CYP27C1: variants seen among roughly 807,000 people sequenced by gnomAD.
The protein encoded by CYP27C1 is cytochrome P450 family 27 subfamily C member 1.
A neutral mutation model predicts 40.6 loss-of-function variants in CYP27C1; 29 were observed. The observed-to-expected ratio is 0.71, with a 90% CI of 0.53 to 0.97. The LOEUF (loss-of-function observed/expected upper bound fraction) is 0.97. Among genes scored for constraint, CYP27C1 ranks in the 50% least tolerant of loss-of-function variants. CYP27C1 has a pLI of 0.00. For synonymous variants in CYP27C1, 198 were observed against 186.8 expected (o/e 1.06, Z -0.49); for missense variants, 390 against 485.8 (o/e 0.80, Z 1.85).
At chr2:127,207,515 C>A (rs114163991) in intron 1 of CYP27C1, among the ~76,000 whole-genome samples, 4,999 of 151,926 alleles carry the variant, frequency 0.033, 108 homozygotes, top group Non-Finnish European at 0.046. Context: ...CATATATATA[C>A]AAAAATTAGC....
rs1273751403 is a variant in CYP27C1 at position 127,186,211 on chromosome 2, C to A, written c.*1060G>T. ...CTGTATTTAGATTTGGTTAGAAAAT[C>A]TGATTATTCTTGATTTCACCAGGAG... On this transcript the variant is annotated 3_prime_UTR_variant, in exon 9 of 9. Transcript: ENST00000664447. The surrounding 1 kb of genome is among the most constrained non-coding windows in gnomAD (Gnocchi z 4.5). 1.3e-5 allele frequency: 2 copies of A among 151,682 alleles called. No individual in the cohort carries two copies. Among genetic ancestry groups the A allele is most frequent in the African/African-American group, 4.8e-5 (2 of 41,380 alleles). 9.4% of individuals were successfully genotyped at this position (151,682 alleles called of 1,614,324 possible). A position where few individuals can be genotyped will look rare whatever the true frequency, so the allele number is the denominator to read the frequency against.
chr2:127,206,129 A>G (rs1405191526), intron 1 of CYP27C1, among the ~76,000 whole-genome samples, 39 bp from the exon 2 acceptor site: 1 of 152,270 alleles, frequency 6.6e-6, no homozygotes, highest in African/African-American at 2.4e-5. Context: ...GAAAAAATAC[A>G]TAGATATGAT....
Position 127,184,185 on chromosome 2 carries a change from C to G in CYP27C1, c.*3086G>C, listed in dbSNP as rs1338114247. 1 of 152,162 alleles carries G rather than the reference C, an allele frequency of 6.6e-6. No individual in the cohort carries two copies. Among genetic ancestry groups the G allele is most frequent in the Admixed American group, 6.5e-5 (1 of 15,278 alleles). The allele number at this position is 152,162 out of a possible 1,614,324, so 9.4% of individuals were successfully genotyped here. ...ATTCCCAAATATCATCAAATACACA[C>G]AGTCAGCATTCAAATTTCCCCGAGT... On this transcript the variant is annotated 3_prime_UTR_variant, in exon 9 of 9. Coordinates refer to ENST00000664447, the MANE Select transcript of CYP27C1 (RefSeq NM_001367502.1).
Position 127,208,092 on chromosome 2 carries a change from C to A in CYP27C1, c.283-2002G>T, listed in dbSNP as rs1372607670. Among the ~76,000 whole-genome samples the A allele has an allele frequency of 6.6e-6, 1 of 152,106 alleles. No individual in the cohort carries two copies. The highest frequency in any genetic ancestry group is 1.5e-5 in the Non-Finnish European group (1 of 68,018). The stretch of plus-strand genomic sequence containing the variant: ...TTCAAGACTTAGTATGGGAGAGGGG[C>A]CAAGATGGCCAACTAGAAGCAGTGG... On this transcript the variant is annotated intron_variant, in intron 1 of 8. Transcript: ENST00000664447. This position sits in a 1 kb window ranked among gnomAD's most constrained non-coding sequence, Gnocchi z 5.2.
Position 127,209,523 on chromosome 2 carries a change from T to C in CYP27C1, c.283-3433A>G, listed in dbSNP as rs370407755. Among the ~76,000 whole-genome samples, 19 of 152,220 alleles carry C rather than the reference T, an allele frequency of 1.2e-4. No individual in the cohort carries two copies. The highest frequency in any genetic ancestry group is 1.2e-3 in the South Asian group (6 of 4,816). On this transcript the variant is annotated intron_variant, in intron 1 of 8. Transcript: ENST00000664447. The surrounding 1 kb of genome is among the most constrained non-coding windows in gnomAD (Gnocchi z 4.1). The stretch of plus-strand genomic sequence containing the variant: ...CTGGATGGAGGATCAGATGGACGAA[T>C]TGACAGAAGTACACTTCAGAAGATG...
chr2:127,211,736 G>C (rs1051687395), intron 1 of CYP27C1, among the ~76,000 whole-genome samples: 1 of 152,082 alleles, frequency 6.6e-6, no homozygotes, highest in Non-Finnish European at 1.5e-5. Flanking sequence ...AAATCAAAAA[G>C]CTAGAAAGAC....
In CYP27C1 at chr2:127,201,295, C is replaced by G. The variant is rs1487840617; in HGVS notation, c.710G>C (p.Cys237Ser). 8 of 1,614,068 alleles carry G rather than the reference C, an allele frequency of 5.0e-6. No individual in the cohort carries two copies. Among genetic ancestry groups the G allele is most frequent in the Non-Finnish European group, 6.8e-6 (8 of 1,179,992 alleles). The change falls in exon 4 of 9, where the codon TGC becomes TCC. Residue 237 changes from cysteine (C) to serine (S), a missense_variant. Cys to Ser is a moderately radical substitution (Grantham distance 112, BLOSUM62 -1). Transcript: ENST00000664447. The surrounding 1 kb of genome is among the most constrained non-coding windows in gnomAD (Gnocchi z 6.0). ...ATILYESRLG[C>S]LENSIPQLTV... is the part of the protein sequence containing the mutation. ...CAGCTGTGGGATGCTGTTTTCCAGG[C>G]AGCCCAAACGACTCTCATAAAGGAT...
chr2:127,217,935 A>G (rs184058967), intron 1 of CYP27C1, among the ~76,000 whole-genome samples: 13 of 152,332 alleles, frequency 8.5e-5, no homozygotes, highest in African/African-American at 3.1e-4. Context: ...AGTCCCCACA[A>G]GTACCATATT....
chr2:127,197,855 G>T (rs1682938958), intron 5 of CYP27C1, among the ~76,000 whole-genome samples: 2 of 151,320 alleles, frequency 1.3e-5, no homozygotes, highest in South Asian at 2.1e-4. Flanking sequence ...AAGGAACTTG[G>T]CTCCTTATTC....
rs182589230 is a variant in CYP27C1, at chr2:127,190,846, C to T, written c.1497+2248G>A. On this transcript the variant is annotated intron_variant, in intron 8 of 8. Coordinates refer to ENST00000664447, the MANE Select transcript of CYP27C1 (RefSeq NM_001367502.1). The stretch of plus-strand genomic sequence containing the variant: ...CCTGTAATCCCAGCTACTCCAGAGG[C>T]TGAGGCAGGAGAATCGCTTGAACCC... 3.0e-3 allele frequency among the ~76,000 whole-genome samples: 457 copies of T among 151,228 alleles called. 2 individuals are homozygous for T. The highest frequency in any genetic ancestry group is 0.01 in the African/African-American group (425 of 41,180).
chr2:127,193,171 T>C lies in CYP27C1; in HGVS notation c.1420A>G (p.Ile474Val). Residue 474 changes from isoleucine (I) to valine (V), a missense_variant, in exon 8 of 9, where the codon ATC becomes GTC. By Grantham distance (29) the Ile-to-Val change is conservative. Coordinates refer to ENST00000664447, the MANE Select transcript of CYP27C1 (RefSeq NM_001367502.1). ...DLDRVDNFGS[I>V]PFGHGVRSCI... ...CTGCGAACCCCATGACCAAAGGGGA[T>C]GGATCCAAAATTGTCAACTCTATCT... 8 of 1,614,162 alleles carry C rather than the reference T, an allele frequency of 5.0e-6. No homozygotes were observed. The highest frequency in any genetic ancestry group is 6.8e-6 in the Non-Finnish European group (8 of 1,180,020).
Position 127,201,163 on chromosome 2 carries a change from C to G in CYP27C1, c.842G>C (p.Trp281Ser). 1 of 1,614,028 alleles carries G rather than the reference C, an allele frequency of 6.2e-7. No individual in the cohort carries two copies. Among genetic ancestry groups the G allele is most frequent in the Middle Eastern group, 1.7e-4 (1 of 5,968 alleles). The change falls in exon 4 of 9, where the codon TGG (tryptophan) becomes TCG (serine). Residue 281 changes from tryptophan (W) to serine (S), a missense_variant. Transcript: ENST00000664447. This position sits in a 1 kb window ranked among gnomAD's most constrained non-coding sequence, Gnocchi z 6.0. ...ATCCCAGGACCTGCAGAATTCCCGC[C>G]AGGGCTTTGGGATGAAGGGGCGAAG... ...RWLRPFIPKP[W>S]REFCRSWDGL...
intron 5 of CYP27C1, among the ~76,000 whole-genome samples, chr2:127,197,140 G>A (rs573214649): frequency 3.3e-5 from 5 of 152,320 alleles, no homozygotes; most frequent in South Asian, 2.1e-4. Flanking sequence ...CAAGCTCAGC[G>A]ACGAAGCCAT....
chr2:127,199,137 A>G (rs1682972149), intron 5 of CYP27C1, among the ~76,000 whole-genome samples: 1 of 152,214 alleles, frequency 6.6e-6, no homozygotes, highest in African/African-American at 2.4e-5. Context: ...AGTACAAAAC[A>G]TTAGCTGGAA....
intron 8 of CYP27C1, among the ~76,000 whole-genome samples, chr2:127,190,941 GAAA>G (rs36094047): frequency 1.2e-5 from 1 of 85,580 alleles, no homozygotes; most frequent in Non-Finnish European, 2.3e-5. Context: ...GTGAGACTCT[GAAA>G]AAAAAAAAAA....
At chr2:127,190,179 T>TA (rs1292596401) in intron 8 of CYP27C1, among the ~76,000 whole-genome samples, 1 of 152,140 alleles carries the variant, frequency 6.6e-6, no homozygotes, top group African/African-American at 2.4e-5. Context: ...TTGGATCACT[T>TA]ATATTTTTTC....
At position 127,204,440 on chromosome 2, in the gene CYP27C1, AAAAGAAAGAAAG is replaced by A. The variant is rs59482629; in HGVS notation, c.474-881_474-870del. 1.7e-3 allele frequency among the ~76,000 whole-genome samples: 69 copies of A among 41,324 alleles called. 3 individuals carry two copies. Among genetic ancestry groups the A allele is most frequent in the South Asian group, 8.3e-3 (10 of 1,202 alleles). 27.1% of individuals were successfully genotyped at this position (41,324 alleles called of 152,430 possible). A position where few individuals can be genotyped will look rare whatever the true frequency, so the allele number is the denominator to read the frequency against. ...AAGAAAGAGAGAAAGGAAAGAAAGA[AAAAGAAAGAAAG>A]AAAGAAAGAAAGAAAGAAAGAAAGA... On this transcript the variant is annotated intron_variant, in intron 2 of 8. Transcript: ENST00000664447.
intron 5 of CYP27C1, among the ~76,000 whole-genome samples, chr2:127,198,192 C>CACACAT (rs1355629110): frequency 6.6e-6 from 1 of 151,440 alleles, no homozygotes; most frequent in African/African-American, 2.4e-5. Context: ...TTGATACACA[C>CACACAT]ACACACACAC....
In CYP27C1 at chr2:127,187,511, C is replaced by T. The variant is rs184339593; in HGVS notation, c.1498-124G>A. 7.6e-4 allele frequency: 585 copies of T among 768,650 alleles called. 2 individuals are homozygous for T. The African/African-American group carries it at 9.2e-3, about 12-fold the overall frequency. The allele number at this position is 768,650 out of a possible 1,614,324, so 47.6% of individuals were successfully genotyped here. ...GCAGAGAGCGCAGGCAATGAGCACCCACATCCAGCTTTTGGAGGCTACAGA... is the reference window on the plus strand; with the variant it reads ...GCAGAGAGCGCAGGCAATGAGCACCTACATCCAGCTTTTGGAGGCTACAGA... On this transcript the variant is annotated intron_variant, in intron 8 of 8. Transcript: ENST00000664447.
Sources: gnomAD v4.1 joint callset for allele counts (sites outside exome capture counted in the v4.1 genomes callset) on GRCh38, gnomAD v4.1.1 for gene constraint, Gnocchi (gnomAD v3.1) non-coding constraint, MANE v1.5 for transcripts, NCBI Gene and HGNC (gene_info 2026-07-23, HGNC 2026-07-21) for gene names.